CELSR1: variants seen among roughly 807,000 people sequenced by gnomAD.
CELSR1 encodes the protein cadherin EGF LAG seven-pass G-type receptor 1.
Under a neutral mutation model 249.1 loss-of-function variants are expected in CELSR1, and 110 were observed. That is an observed-to-expected ratio of 0.44 (90% CI 0.38 to 0.52). The LOEUF is 0.52. Ranked by LOEUF, CELSR1 falls within the 20% of genes least tolerant of loss-of-function variation. The pLI, the probability that CELSR1 is intolerant of heterozygous loss-of-function variation, is 0.00. For missense variants in CELSR1, 4,109 were observed against 4,296.4 expected (o/e 0.96, Z 1.22); for synonymous variants, 2,113 against 1,900.0 (o/e 1.11, Z -2.92).
At chr22:46,492,497 TCC>T (rs2080376784) in intron 1 of CELSR1, among the ~76,000 whole-genome samples, 1 of 152,168 alleles carries the variant, frequency 6.6e-6, no homozygotes, top group Non-Finnish European at 1.5e-5. Flanking sequence ...CTTGTGTTAT[TCC>T]CACCTGGATA....
chr22:46,535,675 A>T lies in CELSR1; in HGVS notation c.1496T>A (p.Leu499His), dbSNP rs1234087779. Residue 499 changes from leucine to histidine, a missense_variant, in exon 1 of 35, where the codon CTC becomes CAC. By Grantham distance (99) the Leu-to-His change is moderately conservative. This residue lies in a region of CELSR1 where 135 missense variants were observed against 190.0 expected (regional missense o/e 0.71). Coordinates refer to ENST00000674500, the MANE Select transcript of CELSR1 (RefSeq NM_001378328.1). The stretch of plus-strand genomic sequence containing the variant: ...GAACTGGCCGGCCACGTTCCCGCTG[A>T]GGATGCTGTAGTGAATGGCCGCGTT... ...GQNAAIHYSI[L>H]SGNVAGQFYL... 1 of 1,613,110 alleles carries T rather than the reference A, an allele frequency of 6.2e-7. No homozygotes were observed. The highest frequency in any genetic ancestry group is 1.1e-5 in the South Asian group (1 of 91,090).
intron 28 of CELSR1, 43 bp from the exon 29 acceptor site, chr22:46,367,161 T>C: frequency 1.9e-6 from 3 of 1,596,402 alleles, no homozygotes; most frequent in South Asian, 2.2e-5. Flanking sequence ...GCTGCCTCCC[T>C]AGGCACCTGC....
intron 1 of CELSR1, among the ~76,000 whole-genome samples, chr22:46,521,918 C>T (rs2080690029): frequency 6.6e-6 from 1 of 152,174 alleles, no homozygotes; most frequent in Non-Finnish European, 1.5e-5. Flanking sequence ...TTTTGCGGAA[C>T]CTCCATACTG....
chr22:46,385,418 C>G (rs375696795), intron 19 of CELSR1, among the ~76,000 whole-genome samples: 2 of 152,190 alleles, frequency 1.3e-5, no homozygotes, highest in African/African-American at 4.8e-5. Context: ...TAGAACAGAA[C>G]TGACTTCCAA....
intron 1 of CELSR1, among the ~76,000 whole-genome samples, chr22:46,516,050 G>A (rs986703522): frequency 2.0e-5 from 3 of 152,164 alleles, no homozygotes; most frequent in Admixed American, 6.5e-5. Context: ...ACAGTGTGGC[G>A]ATTCCTCAAG....
rs559558110 is a variant in CELSR1 at position 46,526,664 on chromosome 22, G to A, written c.3544+6963C>T. Among the ~76,000 whole-genome samples the A allele has an allele frequency of 1.6e-4, 24 of 152,178 alleles. No homozygotes were observed. The highest frequency in any genetic ancestry group is 5.5e-4 in the African/African-American group (23 of 41,536). On this transcript the variant is annotated intron_variant, in intron 1 of 34. Transcript: ENST00000674500. This position sits in a 1 kb window ranked among gnomAD's most constrained non-coding sequence, Gnocchi z 4.7. ...CCCTCAGCCTCCAGGGCCTGCACCC[G>A]TGGGCCCTCCCCTGCACGTGGTTAT...
At chr22:46,459,596 C>T (rs2079996848) in intron 2 of CELSR1, among the ~76,000 whole-genome samples, 1 of 152,218 alleles carries the variant, frequency 6.6e-6, no homozygotes, top group African/African-American at 2.4e-5. Context: ...GGGTCCTTGC[C>T]CTCAGCGCTG....
At chr22:46,516,151 T>C (rs560667397) in intron 1 of CELSR1, among the ~76,000 whole-genome samples, 3 of 152,280 alleles carry the variant, frequency 2.0e-5, no homozygotes, top group African/African-American at 7.2e-5. Flanking sequence ...TAAAGACACA[T>C]GCACACGTAT....
At chr22:46,397,125 G>C (rs1445852792) in intron 12 of CELSR1, among the ~76,000 whole-genome samples, 1 of 151,986 alleles carries the variant, frequency 6.6e-6, no homozygotes, top group Non-Finnish European at 1.5e-5. Context: ...TATTTATTGA[G>C]AAGAGTCTTG....
chr22:46,474,517 T>A (rs1167891487), intron 1 of CELSR1, among the ~76,000 whole-genome samples: 2 of 152,184 alleles, frequency 1.3e-5, no homozygotes, highest in Non-Finnish European at 2.9e-5. Flanking sequence ...AGACATTGTG[T>A]AAAACTCAAA....
rs183578963 is a variant in CELSR1 at position 46,410,009 on chromosome 22, C to A, written c.4934-129G>T. ...GGACAGAAGTCAGACCAGGTCTGAA[C>A]GCCCCTGGCAACGGCAGGAACATGG... is the stretch of plus-strand genomic sequence containing the variant. On this transcript the variant is annotated intron_variant, in intron 7 of 34. Coordinates refer to ENST00000674500, the MANE Select transcript of CELSR1 (RefSeq NM_001378328.1). This position sits in a 1 kb window ranked among gnomAD's most constrained non-coding sequence, Gnocchi z 6.8. 3.4e-5 allele frequency: 41 copies of A among 1,205,854 alleles called. No homozygotes were observed. In the East Asian group the frequency reaches 9.4e-4, roughly 28 times the overall value. 74.7% of individuals were successfully genotyped at this position (1,205,854 alleles called of 1,614,324 possible). A position where few individuals can be genotyped will look rare whatever the true frequency, so the allele number is the denominator to read the frequency against.
chr22:46,439,139 G>GC (rs1555917319), intron 3 of CELSR1, 50 bp downstream of exon 3: 4 of 1,524,926 alleles, frequency 2.6e-6, no homozygotes, highest in East Asian at 2.3e-5. Flanking sequence ...GGAGAAGCTC[G>GC]CCCCTTTCCT....
chr22:46,463,021 G>C (rs940476707), intron 2 of CELSR1: 2 of 375,088 alleles, frequency 5.3e-6, no homozygotes, highest in African/African-American at 4.4e-5. Context: ...AACCAATTAA[G>C]CCTGCAATCT....
chr22:46,416,111 G>A (rs1158828232), intron 5 of CELSR1, among the ~76,000 whole-genome samples: 4 of 144,042 alleles, frequency 2.8e-5, no homozygotes, highest in Non-Finnish European at 4.6e-5. Flanking sequence ...GCAGAGGGGG[G>A]CGGATAAGGA....
At chr22:46,425,126 C>G (rs2079522572) in intron 5 of CELSR1, among the ~76,000 whole-genome samples, 1 of 152,220 alleles carries the variant, frequency 6.6e-6, no homozygotes, top group African/African-American at 2.4e-5. Context: ...GTTTGTTTAA[C>G]CATTCACCCA....
chr22:46,460,970 G>A (rs147263842), intron 2 of CELSR1, among the ~76,000 whole-genome samples: 140 of 152,212 alleles, frequency 9.2e-4, no homozygotes, highest in East Asian at 6.8e-3. Flanking sequence ...CTCCTGTCCC[G>A]CAACACAAGA....
chr22:46,466,860 A>T (rs887522622), intron 1 of CELSR1, among the ~76,000 whole-genome samples: 5 of 152,170 alleles, frequency 3.3e-5, no homozygotes, highest in Non-Finnish European at 7.4e-5. Context: ...TGAGGTGACG[A>T]GGGTGGGGCC....
intron 9 of CELSR1, among the ~76,000 whole-genome samples, chr22:46,403,442 A>G (rs1433947978): frequency 2.0e-5 from 3 of 151,624 alleles, no homozygotes; most frequent in African/African-American, 7.3e-5. Flanking sequence ...CTGTAGTCCC[A>G]GCTATTTGGG....
chr22:46,380,240 G>A lies in CELSR1; in HGVS notation c.7256+548C>T, dbSNP rs946560986. 2.6e-5 allele frequency among the ~76,000 whole-genome samples: 4 copies of A among 152,182 alleles called. No homozygotes were observed. Among genetic ancestry groups the A allele is most frequent in the Admixed American group, 6.5e-5 (1 of 15,278 alleles). On this transcript the variant is annotated intron_variant, in intron 22 of 34. Transcript: ENST00000674500. This position sits in a 1 kb window ranked among gnomAD's most constrained non-coding sequence, Gnocchi z 5.1. Reference sequence around the variant, plus strand: ...CTCGCGCACAGATTCTCCTGCGTTCGCCACTCTGTGACTCTCTGACGCTGC... The same window carrying A: ...CTCGCGCACAGATTCTCCTGCGTTCACCACTCTGTGACTCTCTGACGCTGC...
Sources: gnomAD v4.1 joint callset for allele counts (sites outside exome capture counted in the v4.1 genomes callset) on GRCh38, gnomAD v4.1.1 for gene constraint, gnomAD v4.1.1 regional missense constraint, Gnocchi (gnomAD v3.1) non-coding constraint, MANE v1.5 for transcripts, NCBI Gene and HGNC (gene_info 2026-07-23, HGNC 2026-07-21) for gene names.